Variants in ITGAV observed in about 807,000 individuals in gnomAD.
ITGAV encodes integrin alpha-V.
In ITGAV, 76 loss-of-function variants were observed where a neutral mutation model predicts 143.8. That is an observed-to-expected ratio of 0.53 (90% CI 0.44 to 0.64). ITGAV has a LOEUF of 0.64. ITGAV is among the 30% of genes least tolerant of loss of function. The probability of loss-of-function intolerance (pLI) is 0.00; values close to 1 mark genes in which losing one functional copy is unlikely to be tolerated. For missense variants in ITGAV, 1,193 were observed against 1,274.7 expected, an observed-to-expected ratio of 0.94 and a Z score of 0.98; for synonymous variants, 453 against 446.7, an observed-to-expected ratio of 1.01 and a Z score of -0.18.
chr2:186,633,322 C>T lies in ITGAV; in HGVS notation c.586-7C>T. 6.4e-7 allele frequency: 1 copy of T among 1,567,080 alleles called. No homozygotes were observed. On this transcript the variant is annotated splice_polypyrimidine_tract_variant and splice_region_variant and intron_variant, in intron 5 of 29. Transcript: ENST00000261023. ...TATATATCTTTTTGTTGTGTGATTT[C>T]ATCTAGGCTGACAGAGTACTTCTTG...
intron 26 of ITGAV, among the ~76,000 whole-genome samples, chr2:186,673,827 C>G (rs1181169091): frequency 2.6e-5 from 4 of 151,980 alleles, no homozygotes; most frequent in Non-Finnish European, 4.4e-5. Context: ...ACGACCAGGA[C>G]TGGCTAATTT....
At chr2:186,641,681 A>G in intron 12 of ITGAV, 93 bp downstream of exon 12, 2 of 967,974 alleles carry the variant, frequency 2.1e-6, no homozygotes, top group Admixed American at 2.1e-5. Flanking sequence ...TACACGAGCA[A>G]ATCTCCTTCC....
At chr2:186,620,144 A>G (rs1687482003) in intron 2 of ITGAV, among the ~76,000 whole-genome samples, 1 of 152,220 alleles carries the variant, frequency 6.6e-6, no homozygotes, top group Admixed American at 6.5e-5. Flanking sequence ...TTTGGCCCAG[A>G]AAACATTTCC....
chr2:186,600,160 A>C (rs748276289), intron 1 of ITGAV: 2 of 578,234 alleles, frequency 3.5e-6, no homozygotes, highest in Non-Finnish European at 6.1e-6. Context: ...CCTTGACCTT[A>C]TCTTGTGCCA....
intron 2 of ITGAV, among the ~76,000 whole-genome samples, chr2:186,611,750 G>C (rs1287830630): frequency 1.3e-5 from 2 of 151,958 alleles, no homozygotes; most frequent in Non-Finnish European, 2.9e-5. Context: ...TACCTCTCAG[G>C]GTTGCCATGT....
chr2:186,620,521 G>T (rs1233142320), intron 2 of ITGAV, among the ~76,000 whole-genome samples: 1 of 152,002 alleles, frequency 6.6e-6, no homozygotes, highest in Non-Finnish European at 1.5e-5. Flanking sequence ...TCAGCACTTT[G>T]GGAAGCTGAG....
chr2:186,672,035 T>C (rs910713138), intron 26 of ITGAV, among the ~76,000 whole-genome samples: 42 of 147,646 alleles, frequency 2.8e-4, no homozygotes, highest in Non-Finnish European at 4.5e-5. Context: ...CACTGCAAGC[T>C]CCACCTCCCG....
intron 3 of ITGAV, among the ~76,000 whole-genome samples, chr2:186,624,266 C>T (rs548047041): frequency 2.0e-5 from 3 of 152,194 alleles, no homozygotes; most frequent in East Asian, 1.9e-4. Context: ...GAGACTGCTC[C>T]GCCTATTTTA....
rs776935186 is a variant in ITGAV at position 186,652,040 on chromosome 2, C to A, written c.1456C>A (p.Gln486Lys). ...GLEVYPSILN[Q>K]DNKTCSLPGT... ...TGAAGTGTACCCTAGCATTTTAAAT[C>A]AAGACAATAAAACCTGCTCACTGCC... Residue 486 changes from glutamine to lysine, a missense_variant, in exon 15 of 30, where the codon CAA becomes AAA. Gln to Lys is a moderately conservative substitution (Grantham distance 53, BLOSUM62 1). Transcript: ENST00000261023. 5 of 1,613,648 alleles carry A rather than the reference C, an allele frequency of 3.1e-6. 1 individual carries two copies. The South Asian group carries it at 5.5e-5, about 18-fold the overall frequency.
intron 2 of ITGAV, among the ~76,000 whole-genome samples, chr2:186,604,587 G>C (rs1469236308): frequency 6.6e-6 from 1 of 152,140 alleles, no homozygotes; most frequent in Non-Finnish European, 1.5e-5. Flanking sequence ...CCTCACAGAA[G>C]TTTACACCCC....
At chr2:186,613,646 A>G (rs933775273) in intron 2 of ITGAV, among the ~76,000 whole-genome samples, 1 of 152,170 alleles carries the variant, frequency 6.6e-6, no homozygotes, top group Non-Finnish European at 1.5e-5. Context: ...TTTTAAGTCA[A>G]TACAGGTAAG....
At chr2:186,636,265 G>C (rs749008407) in intron 7 of ITGAV, 58 bp downstream of exon 7, 1 of 1,357,548 alleles carries the variant, frequency 7.4e-7, no homozygotes, top group Non-Finnish European at 1.0e-6. Context: ...TCTTATATCT[G>C]AGTATGGTCT....
chr2:186,651,979 T>C lies in ITGAV; in HGVS notation c.1398-3T>C, dbSNP rs200419035. Reference sequence around the variant, plus strand: ...CTTCATCTTCTTTTCCCTCCCCCGCTAGGGCCAGACCAGTTATCACTGTAA... The same window carrying C: ...CTTCATCTTCTTTTCCCTCCCCCGCCAGGGCCAGACCAGTTATCACTGTAA... On this transcript the variant is annotated splice_region_variant and splice_polypyrimidine_tract_variant and intron_variant, in intron 14 of 29. Coordinates refer to ENST00000261023, the MANE Select transcript of ITGAV (RefSeq NM_002210.5). 6.0e-5 allele frequency: 94 copies of C among 1,576,900 alleles called. No homozygotes were observed. Among genetic ancestry groups the C allele is most frequent in the Middle Eastern group, 1.7e-4 (1 of 5,944 alleles).
At chr2:186,622,775 T>C (rs566259023) in intron 3 of ITGAV, among the ~76,000 whole-genome samples, 1 of 152,228 alleles carries the variant, frequency 6.6e-6, no homozygotes, top group South Asian at 2.1e-4. Flanking sequence ...TTTTTTTTCT[T>C]TCCCTGAGAC....
At chr2:186,640,399 A>G (rs1469383916) in intron 10 of ITGAV, among the ~76,000 whole-genome samples, 1 of 152,192 alleles carries the variant, frequency 6.6e-6, no homozygotes, top group Non-Finnish European at 1.5e-5. Context: ...ATCTTTCCAA[A>G]CAGTAATTTT....
At chr2:186,671,690 TACA>T (rs767986253) in intron 26 of ITGAV, among the ~76,000 whole-genome samples, 5 of 152,172 alleles carry the variant, frequency 3.3e-5, no homozygotes, top group Non-Finnish European at 7.3e-5. Flanking sequence ...TTAGTATAAT[TACA>T]ACATTGAACC....
chr2:186,639,427 A>C (rs938060678), intron 10 of ITGAV, among the ~76,000 whole-genome samples: 1 of 152,094 alleles, frequency 6.6e-6, no homozygotes. Flanking sequence ...CACAACCTGG[A>C]GGGCCCTGCA....
chr2:186,631,333 T>C (rs1442999894), intron 5 of ITGAV, among the ~76,000 whole-genome samples: 1 of 152,176 alleles, frequency 6.6e-6, no homozygotes, highest in Non-Finnish European at 1.5e-5. Flanking sequence ...ACTTATGTAA[T>C]GTGTAATAAT....
At chr2:186,625,678 T>TATGTGTGTGA (rs1553501193) in intron 4 of ITGAV, 91 bp downstream of exon 4, 15 of 453,096 alleles carry the variant, frequency 3.3e-5, no homozygotes, top group Non-Finnish European at 6.0e-5. Context: ...TGTGTGTGTG[T>TATGTGTGTGA]GAGAGAGAGA....
Sources: gnomAD v4.1 joint callset for allele counts (sites outside exome capture counted in the v4.1 genomes callset) on GRCh38, gnomAD v4.1.1 for gene constraint, MANE v1.5 for transcripts, NCBI Gene and HGNC (gene_info 2026-07-23, HGNC 2026-07-21) for gene names.